Variants in CHCHD6 observed in about 807,000 individuals in gnomAD.
CHCHD6 encodes MICOS complex subunit MIC25.
Under a neutral mutation model 32.3 loss-of-function variants are expected in CHCHD6, and 28 were observed. That is an observed-to-expected ratio of 0.87 (90% confidence interval 0.64 to 1.19). The LOEUF (loss-of-function observed/expected upper bound fraction) is 1.19, where lower values mean the gene tolerates loss of function less well. CHCHD6 is among the 50% of genes most tolerant of loss of function. The pLI is 0.00. For synonymous variants in CHCHD6, 122 were observed against 117.5 expected (o/e 1.04, Z -0.25); for missense variants, 333 against 307.0 (o/e 1.08, Z -0.63).
chr3:126,780,186 C>T (rs1458024632), intron 4 of CHCHD6, among the ~76,000 whole-genome samples: 1 of 152,218 alleles, frequency 6.6e-6, no homozygotes, highest in Non-Finnish European at 1.5e-5. Context: ...AAGCTTGGGT[C>T]TAGCCATCCA....
At chr3:126,920,164 AT>A in intron 6 of CHCHD6, among the ~76,000 whole-genome samples, 1 of 145,190 alleles carries the variant, frequency 6.9e-6, no homozygotes, top group East Asian at 2.0e-4. Flanking sequence ...TGCATTCAGA[AT>A]TTCAGTTACT....
intron 4 of CHCHD6, among the ~76,000 whole-genome samples, chr3:126,768,646 A>G (rs1342017164): frequency 1.3e-5 from 2 of 152,198 alleles, no homozygotes; most frequent in East Asian, 3.9e-4. Flanking sequence ...GAATCTCGCC[A>G]CATTTTCCAC....
chr3:126,867,828 T>A (rs1290568088), intron 5 of CHCHD6, among the ~76,000 whole-genome samples: 1 of 152,210 alleles, frequency 6.6e-6, no homozygotes, highest in Non-Finnish European at 1.5e-5. Flanking sequence ...GGCTCCTTGC[T>A]AATCTCTCAC....
At chr3:126,772,840 T>C (rs1035178602) in intron 4 of CHCHD6, among the ~76,000 whole-genome samples, 10 of 152,218 alleles carry the variant, frequency 6.6e-5, no homozygotes, top group African/African-American at 2.2e-4. Context: ...CTATGTACTT[T>C]GGTGTGTTTT....
At chr3:126,771,453 C>T (rs1937541383) in intron 4 of CHCHD6, among the ~76,000 whole-genome samples, 1 of 152,138 alleles carries the variant, frequency 6.6e-6, no homozygotes, top group South Asian at 2.1e-4. Flanking sequence ...TCTTGATCCG[C>T]CCACCTCGGC....
chr3:126,831,011 G>A (rs1285524517), intron 4 of CHCHD6, among the ~76,000 whole-genome samples: 1 of 151,196 alleles, frequency 6.6e-6, no homozygotes, highest in Non-Finnish European at 1.5e-5. Context: ...TCTCTCCTGG[G>A]CGGCCCTGCC....
intron 6 of CHCHD6, among the ~76,000 whole-genome samples, chr3:126,919,919 G>A (rs2078222592): frequency 6.6e-6 from 1 of 151,730 alleles, no homozygotes; most frequent in Admixed American, 6.6e-5. Flanking sequence ...CTTGAAGGTT[G>A]ACATGTTTTT....
At chr3:126,893,155 A>T (rs368176914) in intron 5 of CHCHD6, among the ~76,000 whole-genome samples, 1 of 151,742 alleles carries the variant, frequency 6.6e-6, no homozygotes, top group East Asian at 1.9e-4. Context: ...TTTAGTAGAG[A>T]TGGGGTTTTG....
intron 6 of CHCHD6, among the ~76,000 whole-genome samples, chr3:126,936,218 C>G (rs950833120): frequency 6.6e-6 from 1 of 152,228 alleles, no homozygotes; most frequent in African/African-American, 2.4e-5. Flanking sequence ...GGACAAGTGG[C>G]TCAACTGTGC....
chr3:126,864,547 C>G (rs1051885687), intron 5 of CHCHD6, among the ~76,000 whole-genome samples: 1 of 149,760 alleles, frequency 6.7e-6, no homozygotes, highest in Non-Finnish European at 1.5e-5. Flanking sequence ...CCTTCTCCAC[C>G]TCCTCCTCCT....
intron 6 of CHCHD6, among the ~76,000 whole-genome samples, chr3:126,954,107 T>C (rs1239474161): frequency 6.6e-6 from 1 of 152,246 alleles, no homozygotes; most frequent in Non-Finnish European, 1.5e-5. Flanking sequence ...GGGTGAAATT[T>C]CTTCCAGTTG....
intron 4 of CHCHD6, among the ~76,000 whole-genome samples, chr3:126,845,800 T>A (rs1476000782): frequency 6.6e-6 from 1 of 152,224 alleles, no homozygotes; most frequent in African/African-American, 2.4e-5. Flanking sequence ...GGTTCTGTTT[T>A]ATAGTTTCCG....
chr3:126,730,756 T>C lies in CHCHD6; in HGVS notation c.266+126T>C, dbSNP rs571225260. On this transcript the variant is annotated intron_variant, in intron 3 of 7. Transcript: ENST00000290913. ...TCTCACATAATTAATCTCAGTTGCA[T>C]TGAAGGACAACCCTATGGTATAGGT... The C allele has an allele frequency of 1.5e-4, 110 of 712,348 alleles. 1 individual carries two copies. The highest frequency in any genetic ancestry group is 1.3e-3 in the South Asian group (71 of 56,038). 44.1% of individuals were successfully genotyped at this position (712,348 alleles called of 1,614,324 possible).
At chr3:126,704,516 G>T (rs1254657380) in intron 1 of CHCHD6, 117 bp downstream of exon 1, 25 of 596,066 alleles carry the variant, frequency 4.2e-5, no homozygotes, top group Non-Finnish European at 6.0e-5. Flanking sequence ...GGGCTTGGGA[G>T]ACTCCGGGGG....
intron 5 of CHCHD6, among the ~76,000 whole-genome samples, chr3:126,876,473 C>G (rs1461541719): frequency 6.6e-6 from 1 of 152,192 alleles, no homozygotes; most frequent in African/African-American, 2.4e-5. Context: ...GTTGTACTCT[C>G]ATTCTTGGTA....
intron 4 of CHCHD6, among the ~76,000 whole-genome samples, chr3:126,836,406 T>C (rs1940863443): frequency 6.6e-6 from 1 of 152,218 alleles, no homozygotes; most frequent in African/African-American, 2.4e-5. Flanking sequence ...AGGGACCTTC[T>C]CTGGTCATTC....
intron 4 of CHCHD6, among the ~76,000 whole-genome samples, chr3:126,815,593 C>G (rs1939853239): frequency 6.6e-6 from 1 of 151,890 alleles, no homozygotes; most frequent in Non-Finnish European, 1.5e-5. Context: ...TCTGCTCTTT[C>G]CATAGCTACT....
intron 5 of CHCHD6, among the ~76,000 whole-genome samples, chr3:126,882,379 A>G (rs1182144348): frequency 6.6e-6 from 1 of 152,180 alleles, no homozygotes; most frequent in African/African-American, 2.4e-5. Context: ...GGGTTTTATC[A>G]AGAGGAAGGT....
chr3:126,740,869 C>A (rs1936262303), intron 4 of CHCHD6, among the ~76,000 whole-genome samples: 1 of 152,172 alleles, frequency 6.6e-6, no homozygotes, highest in East Asian at 1.9e-4. Flanking sequence ...TAGTTGATCA[C>A]ACACCAAAAA....
Sources: gnomAD v4.1 joint callset for allele counts (sites outside exome capture counted in the v4.1 genomes callset) on GRCh38, gnomAD v4.1.1 for gene constraint, MANE v1.5 for transcripts, NCBI Gene and HGNC (gene_info 2026-07-23, HGNC 2026-07-21) for gene names.